Variants in SVIL observed in about 807,000 individuals in gnomAD.
SVIL encodes the protein supervillin, also known as archvillin.
SVIL carries 101 observed loss-of-function variants against 240.4 expected under a neutral mutation model. The ratio of observed to expected loss-of-function variants is 0.42; its 90% CI spans 0.36 to 0.50. The LOEUF (loss-of-function observed/expected upper bound fraction) is 0.50, where lower values mean the gene tolerates loss of function less well. Among genes scored for constraint, SVIL ranks in the 20% least tolerant of loss-of-function variants. The pLI, the probability that SVIL is intolerant of heterozygous loss-of-function variation, is 0.01. For synonymous variants in SVIL, 999 were observed against 1,100.0 expected, an observed-to-expected ratio of 0.91 and a Z score of 1.82; for missense variants, 2,512 against 2,818.7, an observed-to-expected ratio of 0.89 and a Z score of 2.46.
At chr10:29,590,342 T>C (rs1281212590) in intron 1 of SVIL, among the ~76,000 whole-genome samples, 4 of 152,110 alleles carry the variant, frequency 2.6e-5, no homozygotes, top group East Asian at 1.9e-4. Context: ...ACATGCTTGA[T>C]TGTACTGAGC....
chr10:29,648,156 C>G (rs1958726270), intron 3 of SVIL, among the ~76,000 whole-genome samples: 1 of 152,156 alleles, frequency 6.6e-6, no homozygotes, highest in Non-Finnish European at 1.5e-5. Flanking sequence ...CCTGGATCCC[C>G]ACATCTCACA....
intron 3 of SVIL, among the ~76,000 whole-genome samples, chr10:29,559,201 A>G (rs552439426): frequency 6.6e-6 from 1 of 152,126 alleles, no homozygotes; most frequent in Admixed American, 6.5e-5. Context: ...TGTTCTTTTA[A>G]AACTTCAAAA....
chr10:29,697,044 G>T (rs1237725848), intron 1 of SVIL, among the ~76,000 whole-genome samples: 2 of 128,570 alleles, frequency 1.6e-5, no homozygotes, highest in Non-Finnish European at 3.3e-5. Flanking sequence ...CCGGCCAGCC[G>T]CCCCGTCCGG....
intron 2 of SVIL, among the ~76,000 whole-genome samples, chr10:29,674,406 A>C (rs1048801631): frequency 2.0e-5 from 3 of 152,184 alleles, no homozygotes; most frequent in Non-Finnish European, 4.4e-5. Context: ...AAAAGGAATG[A>C]ATTAGGCACT....
intron 6 of SVIL, among the ~76,000 whole-genome samples, chr10:29,538,749 C>T (rs963638298): frequency 6.6e-6 from 1 of 152,232 alleles, no homozygotes; most frequent in Non-Finnish European, 1.5e-5. Context: ...GAATTTTTGA[C>T]TTAATGTTTC....
In SVIL at chr10:29,522,607, C is replaced by T. The variant is rs2132529780; in HGVS notation, c.3192G>A (p.Glu1064=). The part of the protein sequence containing the change: ...RAAEFGEPTS[E]QTGTAAGKTI... ...TTTTCCCAGCAGCTGTCCCCGTCTG[C>T]TCGGAAGTGGGCTCCCCGAACTCTG... The change falls in exon 16 of 38, where the codon GAG becomes GAA. Residue 1064 remains glutamate (E), a synonymous_variant. Coordinates refer to ENST00000355867, the MANE Select transcript of SVIL (RefSeq NM_021738.3). The T allele has an allele frequency of 1.2e-6, 2 of 1,614,178 alleles. No individual in the cohort carries two copies. Among genetic ancestry groups the T allele is most frequent in the South Asian group, 1.1e-5 (1 of 91,070 alleles).
At chr10:29,622,067 G>A (rs901225914) in intron 1 of SVIL, among the ~76,000 whole-genome samples, 3 of 151,102 alleles carry the variant, frequency 2.0e-5, no homozygotes, top group Non-Finnish European at 4.4e-5. Flanking sequence ...TGGCTAACAC[G>A]GTGAAACCCC....
chr10:29,672,065 C>T (rs932925210), intron 2 of SVIL, among the ~76,000 whole-genome samples: 9 of 152,324 alleles, frequency 5.9e-5, no homozygotes, highest in Non-Finnish European at 1.0e-4. Context: ...GGCTCCCTCT[C>T]CAGAAATATC....
intron 2 of SVIL, among the ~76,000 whole-genome samples, chr10:29,568,088 G>A (rs1371679389): frequency 6.6e-6 from 1 of 150,442 alleles, no homozygotes; most frequent in Non-Finnish European, 1.5e-5. Flanking sequence ...ACATGGCCAA[G>A]ATGAGAAATA....
chr10:29,582,671 G>A (rs1233580901), intron 1 of SVIL, among the ~76,000 whole-genome samples: 24 of 151,890 alleles, frequency 1.6e-4, no homozygotes, highest in Non-Finnish European at 1.8e-4. Context: ...ATTTGAGGCT[G>A]TGGTGAGCTT....
At chr10:29,537,465 G>T (rs1000889814) in intron 6 of SVIL, among the ~76,000 whole-genome samples, 2 of 152,126 alleles carry the variant, frequency 1.3e-5, no homozygotes, top group African/African-American at 4.8e-5. Context: ...AAACATCATG[G>T]GTAAGGACAA....
intron 1 of SVIL, among the ~76,000 whole-genome samples, chr10:29,732,305 T>G (rs969802188): frequency 2.6e-5 from 4 of 152,304 alleles, no homozygotes; most frequent in African/African-American, 9.6e-5. Context: ...TTAGTCCATA[T>G]CAATTGTTTA....
At chr10:29,689,807 G>A (rs918751604) in intron 1 of SVIL, among the ~76,000 whole-genome samples, 2 of 152,168 alleles carry the variant, frequency 1.3e-5, no homozygotes, top group African/African-American at 4.8e-5. Flanking sequence ...AATTCTGTTA[G>A]TGACTGTCTC....
At chr10:29,505,907 TA>T (rs1357046830) in intron 17 of SVIL, among the ~76,000 whole-genome samples, 1 of 152,168 alleles carries the variant, frequency 6.6e-6, no homozygotes, top group Non-Finnish European at 1.5e-5. Context: ...CTCCTAGAGA[TA>T]CCAAAATCCA....
intron 1 of SVIL, among the ~76,000 whole-genome samples, chr10:29,606,291 C>T (rs575679316): frequency 6.6e-5 from 10 of 151,806 alleles, no homozygotes; most frequent in African/African-American, 1.5e-4. Context: ...GCAGTCCTCC[C>T]GCCTCAGCCT....
intron 1 of SVIL, among the ~76,000 whole-genome samples, chr10:29,633,960 T>A (rs1958211224): frequency 6.6e-6 from 1 of 152,182 alleles, no homozygotes; most frequent in African/African-American, 2.4e-5. Context: ...ACAAAGATTA[T>A]GCAAAAGGAT....
At chr10:29,659,511 T>G (rs1959096551) in intron 2 of SVIL, among the ~76,000 whole-genome samples, 1 of 152,158 alleles carries the variant, frequency 6.6e-6, no homozygotes, top group African/African-American at 2.4e-5. Context: ...CTCATTTTTA[T>G]AAATATTCCA....
intron 29 of SVIL, among the ~76,000 whole-genome samples, chr10:29,480,268 G>A (rs1011312403): frequency 6.6e-6 from 1 of 152,214 alleles, no homozygotes; most frequent in Non-Finnish European, 1.5e-5. Context: ...GGGCAGGGGA[G>A]GGAGAGAGGG....
Position 29,462,176 on chromosome 10 carries a change from C to G in SVIL, c.6402+101G>C, listed in dbSNP as rs529027922. 2.1e-6 allele frequency: 3 copies of G among 1,402,784 alleles called. No homozygotes were observed. The South Asian group carries it at 5.1e-5, about 24-fold the overall frequency. The allele number at this position is 1,402,784 out of a possible 1,614,324, so 86.9% of individuals were successfully genotyped here. A position where few individuals can be genotyped will look rare whatever the true frequency, so the allele number is the denominator to read the frequency against. ...GATGTTGCAAAAGGAAAAATATTTTCCCACTCTGAAAGTGCAATTGGATGC... is the reference window on the plus strand; with the variant it reads ...GATGTTGCAAAAGGAAAAATATTTTGCCACTCTGAAAGTGCAATTGGATGC... On this transcript the variant is annotated intron_variant, in intron 36 of 37. Coordinates refer to ENST00000355867, the MANE Select transcript of SVIL (RefSeq NM_021738.3).
Sources: gnomAD v4.1 joint callset for allele counts (sites outside exome capture counted in the v4.1 genomes callset) on GRCh38, gnomAD v4.1.1 for gene constraint, MANE v1.5 for transcripts, NCBI Gene and HGNC (gene_info 2026-07-23, HGNC 2026-07-21) for gene names.